DCAKD: variants seen among roughly 807,000 people sequenced by gnomAD.
DCAKD encodes dephospho-CoA kinase domain containing, also known as dephospho-CoA kinase domain-containing protein.
Under a neutral mutation model 18.7 loss-of-function variants are expected in DCAKD, and 15 were observed. The observed-to-expected ratio is 0.80, with a 90% confidence interval of 0.54 to 1.24. The LOEUF is 1.24. Ranked by LOEUF, DCAKD falls within the 50% of genes most tolerant of loss-of-function variation. The pLI, the probability that DCAKD is intolerant of heterozygous loss-of-function variation, is 0.00. For synonymous variants in DCAKD, 130 were observed against 133.0 expected (o/e 0.98, Z 0.16); for missense variants, 301 against 322.0 (o/e 0.93, Z 0.50).
At chr17:45,035,686 G>A (rs1205561198) in intron 1 of DCAKD, among the ~76,000 whole-genome samples, 1 of 151,998 alleles carries the variant, frequency 6.6e-6, no homozygotes, top group Non-Finnish European at 1.5e-5. Flanking sequence ...TGGTCCCCCT[G>A]GCCTTTACTT....
chr17:45,042,627 T>C (rs938562378), intron 1 of DCAKD, among the ~76,000 whole-genome samples: 4 of 152,264 alleles, frequency 2.6e-5, no homozygotes, highest in Non-Finnish European at 4.4e-5. Flanking sequence ...GACCCAATTA[T>C]TTCTCGAGGA....
In DCAKD at chr17:45,025,884, T is replaced by C. The variant is rs1481205730; in HGVS notation, c.405-1160A>G. Among the ~76,000 whole-genome samples the C allele has an allele frequency of 2.0e-5, 3 of 151,830 alleles. No individual in the cohort carries two copies. The East Asian group carries it at 5.8e-4, about 29-fold the overall frequency. ...CTCCTGCCTCAGCCTCCTGAGTAGC[T>C]GGGATTACTGGCATGCGCCACTAAG... is the stretch of plus-strand genomic sequence containing the variant. On this transcript the variant is annotated intron_variant, in intron 4 of 4. Transcript: ENST00000651974.
chr17:45,055,610 G>A (rs1175905911), upstream of DCAKD, among the ~76,000 whole-genome samples: 1 of 152,036 alleles, frequency 6.6e-6, no homozygotes, highest in Admixed American at 6.6e-5. Context: ...CAGGCACCTG[G>A]ACTTTCTACC....
rs1405182298 is a variant in DCAKD, at chr17:45,026,727, C to T, written c.405-2003G>A. On this transcript the variant is annotated intron_variant, in intron 4 of 4. Coordinates refer to ENST00000651974, the MANE Select transcript of DCAKD (RefSeq NM_001288655.2). ...TACGAGCTATAGATTTCCTCTGTTA[C>T]GGGGTCAGTGTACTGTGGCCATTGT... 1.6e-5 allele frequency: 16 copies of T among 985,398 alleles called. No individual in the cohort carries two copies. The East Asian group carries it at 3.4e-4, about 21-fold the overall frequency. 61.0% of individuals were successfully genotyped at this position (985,398 alleles called of 1,614,324 possible).
At chr17:45,056,786 G>C (rs2053784918) in intron 1 of DCAKD, among the ~76,000 whole-genome samples, 1 of 136,902 alleles carries the variant, frequency 7.3e-6, no homozygotes, top group Non-Finnish European at 1.6e-5. Flanking sequence ...TTTTTCCTTT[G>C]AGACAGAGCC....
At chr17:45,032,861 C>G (rs2053201489) in intron 3 of DCAKD, among the ~76,000 whole-genome samples, 1 of 152,112 alleles carries the variant, frequency 6.6e-6, no homozygotes, top group Non-Finnish European at 1.5e-5. Context: ...GACAGGCAAC[C>G]AGGCCTTCAA....
chr17:45,024,476 C>A lies in DCAKD; in HGVS notation c.653G>T (p.Ser218Ile). ...GTAGTGGGTGAGCAGGTAGAGGAGG[C>A]TGGCAATGGCAGCGAGCCCTGTGAG... Reference protein sequence around the residue: ...GVLTGLAAIASLLYLLTHYLL... With the variant: ...GVLTGLAAIAILLYLLTHYLL... Residue 218 changes from serine to isoleucine, a missense_variant, in exon 5 of 5, where the codon AGC becomes ATC. Physicochemically the swap from Ser to Ile is moderately radical, Grantham distance 142. Transcript: ENST00000651974. The A allele has an allele frequency of 6.2e-7, 1 of 1,613,042 alleles. No individual in the cohort carries two copies.
chr17:45,026,220 T>G (rs2143164838), intron 4 of DCAKD, among the ~76,000 whole-genome samples: 1 of 139,496 alleles, frequency 7.2e-6, no homozygotes, highest in African/African-American at 2.9e-5. Context: ...CGCCTGGACT[T>G]TTTTTTTTTT....
rs150193029 is a variant in DCAKD, at chr17:45,038,202, G to A, written c.-114-3203C>T. Among the ~76,000 whole-genome samples, 327 of 151,700 alleles carry A rather than the reference G, an allele frequency of 2.2e-3. 1 individual carries two copies. Among genetic ancestry groups the A allele is most frequent in the African/African-American group, 7.5e-3 (309 of 41,312 alleles). On this transcript the variant is annotated intron_variant, in intron 1 of 4. Transcript: ENST00000651974. The stretch of plus-strand genomic sequence containing the variant: ...AGAGATTGTCCTGCCTCAGCCTCCC[G>A]AGTAGCTAGGATTACAGGTATGCAC...
chr17:45,042,270 CT>C (rs2053457076), intron 1 of DCAKD, among the ~76,000 whole-genome samples: 1 of 152,188 alleles, frequency 6.6e-6, no homozygotes, highest in East Asian at 1.9e-4. Context: ...CTCCTTTGGA[CT>C]CGTCATGCTT....
At chr17:45,057,651 C>T (rs1470393271) in intron 1 of DCAKD, among the ~76,000 whole-genome samples, 3 of 147,974 alleles carry the variant, frequency 2.0e-5, no homozygotes, top group Admixed American at 6.9e-5. Context: ...TGCAGTGAGC[C>T]GAGATAGTGC....
chr17:45,053,179 A>C (rs1027978135), upstream of DCAKD, among the ~76,000 whole-genome samples: 25 of 109,122 alleles, frequency 2.3e-4, no homozygotes, highest in South Asian at 5.6e-4. Flanking sequence ...TAAAAAAAAA[A>C]AAAAAAAAAA....
chr17:45,056,340 T>C (rs1481022201), upstream of DCAKD, among the ~76,000 whole-genome samples: 2 of 152,110 alleles, frequency 1.3e-5, no homozygotes, highest in Non-Finnish European at 2.9e-5. Context: ...GGGCTCTCTA[T>C]GTAAGTCTTA....
intron 3 of DCAKD, 60 bp from the exon 4 acceptor site, chr17:45,030,239 G>T: frequency 1.3e-6 from 2 of 1,491,522 alleles, no homozygotes; most frequent in Non-Finnish European, 1.9e-6. Flanking sequence ...GAGGACTGAT[G>T]ATATGCTGGG....
intron 1 of DCAKD, among the ~76,000 whole-genome samples, chr17:45,046,729 C>A: frequency 6.6e-6 from 1 of 151,640 alleles, no homozygotes; most frequent in Non-Finnish European, 1.5e-5. Flanking sequence ...TTCTGAGAGG[C>A]ACAAAGGTAG....
intron 2 of DCAKD, 92 bp from the exon 3 acceptor site, chr17:45,034,482 C>T (rs1051466382): frequency 1.6e-5 from 23 of 1,440,234 alleles, no homozygotes; most frequent in East Asian, 2.4e-5. Context: ...TGGGGGAACT[C>T]GGGTGCTTCT....
At chr17:45,036,286 G>A (rs765057505) in intron 1 of DCAKD, among the ~76,000 whole-genome samples, 1 of 152,238 alleles carries the variant, frequency 6.6e-6, no homozygotes, top group Non-Finnish European at 1.5e-5. Context: ...GGAGGCCGAG[G>A]CAGGCAGATC....
upstream of DCAKD, among the ~76,000 whole-genome samples, chr17:45,052,985 A>G (rs916264263): frequency 1.3e-5 from 2 of 151,128 alleles, no homozygotes; most frequent in Non-Finnish European, 2.9e-5. Context: ...CCAACATGGC[A>G]AAATCCCGTC....
intron 1 of DCAKD, among the ~76,000 whole-genome samples, chr17:45,045,802 G>C (rs565523394): frequency 1.3e-5 from 2 of 151,880 alleles, no homozygotes; most frequent in African/African-American, 4.8e-5. Context: ...TAGCTCATGG[G>C]CAAGCTGGAA....
Sources: gnomAD v4.1 joint callset for allele counts (sites outside exome capture counted in the v4.1 genomes callset) on GRCh38, gnomAD v4.1.1 for gene constraint, MANE v1.5 for transcripts, NCBI Gene and HGNC (gene_info 2026-07-23, HGNC 2026-07-21) for gene names.